DOC2A: variants seen among roughly 807,000 people sequenced by gnomAD.
The protein encoded by DOC2A is double C2 domain alpha.
A neutral mutation model predicts 40.6 loss-of-function variants in DOC2A; 28 were observed. That is an observed-to-expected ratio of 0.69 (90% CI 0.51 to 0.95). DOC2A has a LOEUF of 0.95. Ranked by LOEUF, DOC2A falls within the 40% of genes least tolerant of loss-of-function variation. The probability of loss-of-function intolerance (pLI) is 0.00; values close to 1 mark genes in which losing one functional copy is unlikely to be tolerated. For missense variants in DOC2A, 474 were observed against 552.5 expected (o/e 0.86, Z 1.42); for synonymous variants, 241 against 236.9 (o/e 1.02, Z -0.16).
At chr16:30,011,353 C>T (rs1345701801), upstream of DOC2A, 17 of 985,222 alleles carry the variant, frequency 1.7e-5, no homozygotes, top group Non-Finnish European at 1.9e-5. Context: ...CACACACACG[C>T]ACTCGCAAAC....
chr16:30,008,590 G>A (rs1406035399), intron 5 of DOC2A: 3 of 253,248 alleles, frequency 1.2e-5, no homozygotes, highest in African/African-American at 6.7e-5. Flanking sequence ...TGCAACCTCT[G>A]CCTCCCGGGT....
chr16:30,015,476 C>T (rs1344389403), upstream of DOC2A, among the ~76,000 whole-genome samples: 2 of 152,016 alleles, frequency 1.3e-5, no homozygotes, highest in East Asian at 1.9e-4. Flanking sequence ...CCATCATGCT[C>T]GGCTAATTTT....
rs4566183 is a variant in DOC2A, at chr16:30,010,012, T to G, written c.211A>C (p.Thr71Pro). ...ACCTCCGCACCATCCTCAGGCGTGG[T>G]GGCCCCAAGGAGGGCTGCAGGGGGG... ...LAPPAALLGA[T>P]TPEDGAEVDS... Residue 71 changes from threonine (T) to proline (P), a missense_variant, in exon 2 of 11, where the codon ACC (threonine) becomes CCC (proline). Thr to Pro is a conservative substitution (Grantham distance 38). Transcript: ENST00000350119. This position sits in a 1 kb window ranked among gnomAD's most constrained non-coding sequence, Gnocchi z 4.2. 5 of 1,612,006 alleles carry G rather than the reference T, an allele frequency of 3.1e-6. No homozygotes were observed. The highest frequency in any genetic ancestry group is 4.2e-6 in the Non-Finnish European group (5 of 1,179,812).
At chr16:30,008,711 G>A in intron 5 of DOC2A, 1 of 384,458 alleles carries the variant, frequency 2.6e-6, no homozygotes, top group East Asian at 5.9e-5. Flanking sequence ...TCACCAAGTT[G>A]GCCAGGCTGG....
chr16:30,006,734 T>C lies in DOC2A; in HGVS notation c.878+51A>G. The C allele has an allele frequency of 6.2e-7, 1 of 1,613,588 alleles. No homozygotes were observed. The highest frequency in any genetic ancestry group is 1.7e-5 in the Admixed American group (1 of 59,998). On this transcript the variant is annotated intron_variant, in intron 8 of 10. Coordinates refer to ENST00000350119, the MANE Select transcript of DOC2A (RefSeq NM_003586.3). The surrounding 1 kb of genome is among the most constrained non-coding windows in gnomAD (Gnocchi z 6.2). Reference sequence around the variant, plus strand: ...GGGTGAGGGACAGGCCAGGCCCAACTCAGGCCAGGGCAGGCTCCCTGGGGA... The same window carrying C: ...GGGTGAGGGACAGGCCAGGCCCAACCCAGGCCAGGGCAGGCTCCCTGGGGA...
chr16:30,022,998 G>C, upstream of DOC2A: 1 of 206,794 alleles, frequency 4.8e-6, no homozygotes. Flanking sequence ...TGTTACCTGT[G>C]GTTGATCCAA....
Position 30,007,061 on chromosome 16 carries a change from C to T in DOC2A, c.684G>A (p.Ala228=), listed in dbSNP as rs534605224. 11 of 1,613,978 alleles carry T rather than the reference C, an allele frequency of 6.8e-6. No individual in the cohort carries two copies. The highest frequency in any genetic ancestry group is 5.3e-5 in the African/African-American group (4 of 74,992). Residue 228 remains alanine (A), a synonymous_variant, in exon 7 of 11, where the codon GCG becomes GCA. Coordinates refer to ENST00000350119, the MANE Select transcript of DOC2A (RefSeq NM_003586.3). ...PLASPSSMSA[A]LRGISCYLKE... ...TCAGATAACAGGAGATGCCCCTCAGCGCCGCTGACATGGAAGAGGGGGACG... is the reference window on the plus strand; with the variant it reads ...TCAGATAACAGGAGATGCCCCTCAGTGCCGCTGACATGGAAGAGGGGGACG...
At chr16:30,022,843 C>G (rs945682058), upstream of DOC2A, among the ~76,000 whole-genome samples, 11 of 152,058 alleles carry the variant, frequency 7.2e-5, no homozygotes, top group Non-Finnish European at 1.6e-4. Flanking sequence ...AAGCTGTAAT[C>G]CCAGATACTC....
At chr16:30,015,446 G>T (rs1422099794), upstream of DOC2A, among the ~76,000 whole-genome samples, 1 of 152,132 alleles carries the variant, frequency 6.6e-6, no homozygotes, top group Non-Finnish European at 1.5e-5. Context: ...CTCCTGAGTA[G>T]CTGGGATTAC....
chr16:30,012,362 C>G (rs1485477556), upstream of DOC2A: 1 of 152,120 alleles, frequency 6.6e-6, no homozygotes, highest in African/African-American at 2.4e-5. Flanking sequence ...TCCACTGGAG[C>G]GGCTGATTCA....
At position 30,008,788 on chromosome 16, in the gene DOC2A, G is replaced by C. The variant is rs1034458025; in HGVS notation, c.527+208C>G. On this transcript the variant is annotated intron_variant, in intron 5 of 10. Coordinates refer to ENST00000350119, the MANE Select transcript of DOC2A (RefSeq NM_003586.3). ...CCCAAAGTGCTGGGATTACAGGTGT[G>C]AGCCACCACACCTGGCAGGCAGGAG... The C allele has an allele frequency of 2.0e-5, 11 of 558,560 alleles. No homozygotes were observed. In the Admixed American group the frequency reaches 3.0e-4, roughly 15 times the overall value. 34.6% of individuals were successfully genotyped at this position (558,560 alleles called of 1,614,324 possible).
At chr16:30,018,053 C>A (rs1267332888) in intron 1 of DOC2A, among the ~76,000 whole-genome samples, 4 of 145,892 alleles carry the variant, frequency 2.7e-5, no homozygotes, top group African/African-American at 5.1e-5. Context: ...ATCCCTTGAG[C>A]CCCGGAGTTC....
At position 30,009,917 on chromosome 16, in the gene DOC2A, G is replaced by A. The variant is rs1420126277; in HGVS notation, c.262+44C>T. ...CTCTCCCCCCACCACGGCAAGCCTGGAGACCCCCACCAGCACATGGGGCCT... is the reference window on the plus strand; with the variant it reads ...CTCTCCCCCCACCACGGCAAGCCTGAAGACCCCCACCAGCACATGGGGCCT... On this transcript the variant is annotated intron_variant, in intron 2 of 10. Coordinates refer to ENST00000350119, the MANE Select transcript of DOC2A (RefSeq NM_003586.3). The surrounding 1 kb of genome is among the most constrained non-coding windows in gnomAD (Gnocchi z 4.1). 1 of 1,609,972 alleles carries A rather than the reference G, an allele frequency of 6.2e-7. No individual in the cohort carries two copies. The highest frequency in any genetic ancestry group is 8.5e-7 in the Non-Finnish European group (1 of 1,179,182).
upstream of DOC2A, chr16:30,011,547 C>T (rs1023256181): frequency 8.0e-6 from 3 of 376,000 alleles, no homozygotes; most frequent in African/African-American, 6.6e-5. Context: ...CATCTCCCCC[C>T]ACCCCCGCGC....
Position 30,006,141 on chromosome 16 carries a change from A to G in DOC2A, c.*45T>C, listed in dbSNP as rs1272075177. 4.5e-6 allele frequency: 7 copies of G among 1,545,300 alleles called. No individual in the cohort carries two copies. The highest frequency in any genetic ancestry group is 2.3e-4 in the Middle Eastern group (1 of 4,374). Reference sequence around the variant, plus strand: ...CAACACACTCGTGCGAAGGTTGGGTACTGGACCCGGCTCGATGGGCCTGTG... The same window carrying G: ...CAACACACTCGTGCGAAGGTTGGGTGCTGGACCCGGCTCGATGGGCCTGTG... On this transcript the variant is annotated 3_prime_UTR_variant, in exon 11 of 11. Transcript: ENST00000350119. The surrounding 1 kb of genome is among the most constrained non-coding windows in gnomAD (Gnocchi z 6.2).
In DOC2A at chr16:30,006,930, C is replaced by T. The variant is rs1479913833; in HGVS notation, c.733G>A (p.Gly245Arg). Residue 245 changes from glycine (G) to arginine (R), a missense_variant, in exon 8 of 11, where the codon GGG becomes AGG. Transcript: ENST00000350119. The surrounding 1 kb of genome is among the most constrained non-coding windows in gnomAD (Gnocchi z 6.2). ...YLKELEQAEQ[G>R]QGLLEERGRI... The stretch of plus-strand genomic sequence containing the variant: ...CCACGCTCCTCCAGCAGCCCCTGCC[C>T]CTGCTCCGCCTGCTCCAACTGCGGG... The T allele has an allele frequency of 5.6e-6, 9 of 1,610,320 alleles. No homozygotes were observed. Among genetic ancestry groups the T allele is most frequent in the Non-Finnish European group, 7.6e-6 (9 of 1,177,298 alleles).
chr16:30,011,386 G>A (rs889409016), upstream of DOC2A: 20 of 985,170 alleles, frequency 2.0e-5, no homozygotes, highest in Non-Finnish European at 2.4e-5. Flanking sequence ...TGCGCCACCA[G>A]GAAGCAGCCG....
At chr16:30,022,527 C>T (rs2070927489), upstream of DOC2A, among the ~76,000 whole-genome samples, 1 of 151,882 alleles carries the variant, frequency 6.6e-6, no homozygotes, top group Admixed American at 6.6e-5. Context: ...AAAAATTAGC[C>T]GGGCATGGTG....
At position 30,009,683 on chromosome 16, in the gene DOC2A, G is replaced by A; in HGVS notation, c.263-126C>T. On this transcript the variant is annotated intron_variant, in intron 2 of 10. Coordinates refer to ENST00000350119, the MANE Select transcript of DOC2A (RefSeq NM_003586.3). The surrounding 1 kb of genome is among the most constrained non-coding windows in gnomAD (Gnocchi z 4.1). ...CCCGCGAGTGTGAGTGCAAGAGGCT[G>A]AGTGGGCCCATGCGTGTGTGCGTCT... The A allele has an allele frequency of 1.0e-6, 1 of 973,900 alleles. No individual in the cohort carries two copies. The highest frequency in any genetic ancestry group is 1.6e-6 in the Non-Finnish European group (1 of 632,834). The allele number at this position is 973,900 out of a possible 1,614,324, so 60.3% of individuals were successfully genotyped here. A position where few individuals can be genotyped will look rare whatever the true frequency, so the allele number is the denominator to read the frequency against.
Sources: allele counts gnomAD v4.1 joint callset (sites outside exome capture counted in the v4.1 genomes callset), GRCh38; gene constraint gnomAD v4.1.1; non-coding constraint Gnocchi (gnomAD v3.1); transcripts MANE v1.5; gene names NCBI Gene and HGNC (gene_info 2026-07-23, HGNC 2026-07-21).